The following INSL6 variants were observed in gnomAD, a reference collection of about 807,000 sequenced individuals.
INSL6 encodes insulin like 6.
INSL6 carries 16 observed loss-of-function variants against 9.4 expected under a neutral mutation model. The observed-to-expected ratio is 1.70, with a 90% CI of 1.15 to 2.59. The LOEUF is 2.59. Among genes scored for constraint, INSL6 ranks in the 30% most tolerant of loss-of-function variants. The probability of loss-of-function intolerance (pLI) is 0.00; values close to 1 mark genes in which losing one functional copy is unlikely to be tolerated. For synonymous variants in INSL6, 154 were observed against 96.9 expected (o/e 1.59, Z -3.46); for missense variants, 391 against 257.3 (o/e 1.52, Z -3.56).
chr9:5,142,559 T>C (rs1342101558), intron 2 of INSL6, among the ~76,000 whole-genome samples: 2 of 152,242 alleles, frequency 1.3e-5, no homozygotes. Context: ...TCTTGTATCC[T>C]GAGGCTTTGC....
chr9:5,049,499 A>C, the INSL6 span, among the ~76,000 whole-genome samples: 3 of 152,290 alleles, frequency 2.0e-5, no homozygotes, highest in South Asian at 2.1e-4. Flanking sequence ...TGAAGTTTCA[A>C]ATCTTCCATG....
At chr9:5,004,322 A>C in the INSL6 span, among the ~76,000 whole-genome samples, 3 of 152,012 alleles carry the variant, frequency 2.0e-5, no homozygotes, top group Admixed American at 2.0e-4. Context: ...CTGCTGTTCT[A>C]CTTACTCTCT....
chr9:5,096,802 C>G, the INSL6 span: 1 of 152,166 alleles, frequency 6.6e-6, no homozygotes, highest in African/African-American at 2.4e-5. Flanking sequence ...CAACCAGGAA[C>G]TCTGCTAGGA....
At chr9:5,114,813 C>G in the INSL6 span, 1 of 278,038 alleles carries the variant, frequency 3.6e-6, no homozygotes, top group Non-Finnish European at 7.1e-6. Context: ...TAAATGTCCT[C>G]CTGCCTTCCT....
chr9:5,088,096 T>C, the INSL6 span, among the ~76,000 whole-genome samples: 2 of 152,352 alleles, frequency 1.3e-5, no homozygotes, highest in African/African-American at 2.4e-5. Flanking sequence ...CCTCATGAGA[T>C]AGACATTTTA....
the INSL6 span, among the ~76,000 whole-genome samples, chr9:5,051,909 T>C: frequency 2.0e-5 from 3 of 151,992 alleles, no homozygotes; most frequent in African/African-American, 4.8e-5. Flanking sequence ...CCTAAGGGTG[T>C]AGGCCATAGG....
At chr9:5,064,428 G>C in the INSL6 span, among the ~76,000 whole-genome samples, 1 of 151,254 alleles carries the variant, frequency 6.6e-6, no homozygotes, top group African/African-American at 2.4e-5. Context: ...TACTCATGAG[G>C]GTGAGGTGGG....
chr9:5,072,728 T>G, the INSL6 span: 1 of 860,426 alleles, frequency 1.2e-6, no homozygotes, highest in African/African-American at 1.7e-5. Flanking sequence ...AAAATTGTAA[T>G]TTTTAAATGT....
At chr9:5,038,536 A>ATGT in the INSL6 span, among the ~76,000 whole-genome samples, 2 of 152,168 alleles carry the variant, frequency 1.3e-5, no homozygotes, top group Non-Finnish European at 2.9e-5. Context: ...CGAATCCAGC[A>ATGT]ATACAGCTTG....
the INSL6 span, chr9:5,041,602 C>T: frequency 6.0e-6 from 3 of 495,908 alleles, no homozygotes; most frequent in Non-Finnish European, 1.2e-5. Context: ...TTTGAGAAGC[C>T]CGACTGTGAC....
chr9:5,156,318 A>G (rs188183597), intron 2 of INSL6, among the ~76,000 whole-genome samples: 1 of 152,342 alleles, frequency 6.6e-6, no homozygotes, highest in East Asian at 1.9e-4. Flanking sequence ...AGGAGGCAAC[A>G]CTTCACAGCT....
the INSL6 span, among the ~76,000 whole-genome samples, chr9:5,031,986 G>C: frequency 6.6e-6 from 1 of 152,262 alleles, no homozygotes; most frequent in Admixed American, 6.5e-5. Context: ...GAAGCGCAAA[G>C]GGTCAGGGAA....
chr9:5,165,996 G>GCTA (rs1472085192), intron 1 of INSL6, among the ~76,000 whole-genome samples: 6 of 152,160 alleles, frequency 3.9e-5, no homozygotes, highest in Non-Finnish European at 7.3e-5. Context: ...TGTCACAATG[G>GCTA]CTAGCAATCC....
chr9:5,165,871 T>C (rs1195055741), intron 1 of INSL6, among the ~76,000 whole-genome samples: 2 of 152,192 alleles, frequency 1.3e-5, no homozygotes, highest in Admixed American at 6.5e-5. Context: ...TATTTGCCAA[T>C]AGTCTCTACT....
intron 3 of INSL6, chr9:5,128,069 T>C (rs1458930632): frequency 9.1e-6 from 2 of 219,074 alleles, no homozygotes; most frequent in East Asian, 1.2e-4. Context: ...TAAAATAAAA[T>C]ATGGTGGGTT....
intron 2 of INSL6, among the ~76,000 whole-genome samples, chr9:5,158,042 T>G (rs1047896308): frequency 1.3e-5 from 2 of 152,000 alleles, no homozygotes; most frequent in Non-Finnish European, 2.9e-5. Flanking sequence ...AGTAGAAAAA[T>G]GCAGTTGACA....
intron 2 of INSL6, among the ~76,000 whole-genome samples, chr9:5,134,405 T>G (rs374894171): frequency 6.6e-6 from 1 of 151,712 alleles, no homozygotes; most frequent in Non-Finnish European, 1.5e-5. Flanking sequence ...TTCACCAAGG[T>G]TGAAATGAAG....
chr9:5,086,006 T>C, the INSL6 span: 1 of 832,748 alleles, frequency 1.2e-6, no homozygotes, highest in Non-Finnish European at 2.1e-6. Context: ...GATGAAACTG[T>C]GATATACTAT....
the INSL6 span, among the ~76,000 whole-genome samples, chr9:5,096,055 A>AC: frequency 6.6e-6 from 1 of 152,194 alleles, no homozygotes; most frequent in Non-Finnish European, 1.5e-5. Flanking sequence ...TAGTCTTATT[A>AC]CCCCAACCAT....
Sources: allele counts gnomAD v4.1 joint callset (sites outside exome capture counted in the v4.1 genomes callset), GRCh38; gene constraint gnomAD v4.1.1; transcripts MANE v1.5; gene names NCBI Gene and HGNC (gene_info 2026-07-23, HGNC 2026-07-21).